The following EXOC2 variants were observed in gnomAD, a reference collection of about 807,000 sequenced individuals.
EXOC2 encodes exocyst complex component 2, also known as SEC5-like 1.
Under a neutral mutation model 131.8 loss-of-function variants are expected in EXOC2, and 70 were observed. The ratio of observed to expected loss-of-function variants is 0.53; its 90% CI spans 0.44 to 0.65. EXOC2 has a LOEUF of 0.65. EXOC2 is among the 30% of genes least tolerant of loss of function. The pLI is 0.00. For missense variants in EXOC2, 923 were observed against 1,108.6 expected (o/e 0.83, Z 2.38); for synonymous variants, 411 against 398.4 (o/e 1.03, Z -0.38).
intron 23 of EXOC2, among the ~76,000 whole-genome samples, chr6:517,455 C>T (rs929053588): frequency 2.0e-5 from 3 of 152,192 alleles, no homozygotes; most frequent in Admixed American, 2.0e-4. Flanking sequence ...TTGAGAAATA[C>T]TAGCAAACCA....
chr6:661,376 G>A (rs1763416882), intron 1 of EXOC2, among the ~76,000 whole-genome samples: 1 of 152,214 alleles, frequency 6.6e-6, no homozygotes, highest in African/African-American at 2.4e-5. Context: ...AAAGAGCTAA[G>A]ACTAAGAGCT....
chr6:520,847 C>T (rs1339924847), intron 23 of EXOC2, among the ~76,000 whole-genome samples: 8 of 142,378 alleles, frequency 5.6e-5, no homozygotes, highest in East Asian at 2.2e-4. Flanking sequence ...CAACAATCAC[C>T]GTCCACACTC....
In EXOC2 at chr6:532,536, G is replaced by A. The variant is rs1231007590; in HGVS notation, c.2313C>T (p.Ile771=). 3.7e-6 allele frequency: 6 copies of A among 1,609,152 alleles called. No individual in the cohort carries two copies. The highest frequency in any genetic ancestry group is 3.4e-5 in the Admixed American group (2 of 58,950). ...AAATTCCAGGTTCTAAGGAGCCAAC[G>A]ATGGGATCTGCTTTCAACTCGATGT... ...ENYIELKADP[I]VGSLEPGIYA... Residue 771 remains isoleucine (I), a synonymous_variant, in exon 23 of 28, where the codon ATC becomes ATT. Transcript: ENST00000230449.
intron 1 of EXOC2, among the ~76,000 whole-genome samples, chr6:648,907 T>G (rs1332249145): frequency 1.3e-5 from 2 of 151,704 alleles, no homozygotes; most frequent in Non-Finnish European, 2.9e-5. Flanking sequence ...ATATTTTTTT[T>G]TTAATAGAGA....
chr6:569,264 G>A (rs1196499019), intron 13 of EXOC2, among the ~76,000 whole-genome samples: 2 of 152,018 alleles, frequency 1.3e-5, no homozygotes, highest in African/African-American at 2.4e-5. Flanking sequence ...TAACCATTTC[G>A]TTAACTAGAA....
chr6:561,818 A>G (rs1219164779), intron 17 of EXOC2, among the ~76,000 whole-genome samples: 1 of 152,098 alleles, frequency 6.6e-6, no homozygotes, highest in African/African-American at 2.4e-5. Context: ...TCTTGACCTC[A>G]TGATCCGCCC....
At chr6:553,351 TGTATA>T (rs1404234982) in intron 21 of EXOC2, among the ~76,000 whole-genome samples, 26 of 151,830 alleles carry the variant, frequency 1.7e-4, no homozygotes, top group Non-Finnish European at 2.9e-5. Flanking sequence ...TATATACATA[TGTATA>T]TATGCAGTGT....
At chr6:681,289 C>T (rs1272993488) in intron 1 of EXOC2, among the ~76,000 whole-genome samples, 2 of 152,186 alleles carry the variant, frequency 1.3e-5, no homozygotes, top group African/African-American at 4.8e-5. Context: ...CAGAACAACT[C>T]CTTTTCTATC....
chr6:636,312 G>T (rs1762099395), intron 2 of EXOC2, among the ~76,000 whole-genome samples: 1 of 152,214 alleles, frequency 6.6e-6, no homozygotes, highest in South Asian at 2.1e-4. Flanking sequence ...CAAGGCATAG[G>T]ATTAGGTAAG....
chr6:605,901 G>C (rs1379223219), intron 7 of EXOC2, among the ~76,000 whole-genome samples: 1 of 152,160 alleles, frequency 6.6e-6, no homozygotes, highest in African/African-American at 2.4e-5. Flanking sequence ...GGTATGTTGT[G>C]TCTTTGTTCT....
chr6:656,193 A>T (rs773201337), intron 1 of EXOC2: 1 of 1,614,210 alleles, frequency 6.2e-7, no homozygotes, highest in Non-Finnish European at 8.5e-7. Context: ...AATATTGCAC[A>T]GGGCCGTCGT....
intron 10 of EXOC2, among the ~76,000 whole-genome samples, chr6:596,343 A>T (rs1581519448): frequency 6.6e-6 from 1 of 151,724 alleles, no homozygotes; most frequent in African/African-American, 2.4e-5. Flanking sequence ...CACACACAGC[A>T]GCTTTCAGGC....
chr6:615,086 G>A (rs1223412999), intron 6 of EXOC2, among the ~76,000 whole-genome samples: 1 of 151,980 alleles, frequency 6.6e-6, no homozygotes, highest in African/African-American at 2.4e-5. Context: ...AGAATGCAAT[G>A]CTAATAAAAC....
intron 22 of EXOC2, among the ~76,000 whole-genome samples, chr6:535,942 A>G (rs1450427742): frequency 6.6e-6 from 1 of 152,200 alleles, no homozygotes; most frequent in East Asian, 1.9e-4. Flanking sequence ...AAAACATATC[A>G]TGCAGAAGTG....
intron 22 of EXOC2, among the ~76,000 whole-genome samples, 157 bp downstream of exon 22, chr6:549,018 T>C (rs1335796418): frequency 6.6e-6 from 1 of 152,114 alleles, no homozygotes; most frequent in African/African-American, 2.4e-5. Flanking sequence ...AAGGGAATCA[T>C]CCAAAGCTTT....
intron 13 of EXOC2, among the ~76,000 whole-genome samples, chr6:567,009 C>G (rs1758000356): frequency 6.6e-6 from 1 of 152,222 alleles, no homozygotes; most frequent in Non-Finnish European, 1.5e-5. Flanking sequence ...ACCAAACCTA[C>G]CAACTGCTCT....
chr6:626,458 C>A (rs895952670), intron 4 of EXOC2, among the ~76,000 whole-genome samples: 9 of 152,312 alleles, frequency 5.9e-5, no homozygotes, highest in South Asian at 4.1e-4. Flanking sequence ...ACACGCAGGG[C>A]CCCTCACGTT....
In EXOC2 at chr6:485,822, G is replaced by A. The variant is rs376878223; in HGVS notation, c.*849C>T. 1 of 152,288 alleles carries A rather than the reference G, an allele frequency of 6.6e-6. No homozygotes were observed. Among genetic ancestry groups the A allele is most frequent in the Non-Finnish European group, 1.5e-5 (1 of 68,080 alleles). 9.4% of individuals were successfully genotyped at this position (152,288 alleles called of 1,614,324 possible). A position where few individuals can be genotyped will look rare whatever the true frequency, so the allele number is the denominator to read the frequency against. ...GTCACCTGCTGAAGGAGCGGGCAGG[G>A]AGTTGGCCGTCCACGCGGAGCCTGG... On this transcript the variant is annotated 3_prime_UTR_variant, in exon 28 of 28. Transcript: ENST00000230449.
chr6:502,133 A>T (rs1013338060), intron 23 of EXOC2, among the ~76,000 whole-genome samples: 5 of 152,158 alleles, frequency 3.3e-5, no homozygotes. Flanking sequence ...GGACCAGCTC[A>T]TGTAGACGCA....
Sources: allele counts gnomAD v4.1 joint callset (sites outside exome capture counted in the v4.1 genomes callset), GRCh38; gene constraint gnomAD v4.1.1; transcripts MANE v1.5; gene names NCBI Gene and HGNC (gene_info 2026-07-23, HGNC 2026-07-21).